The following IGF2BP3 variants were observed in gnomAD, a reference collection of about 807,000 sequenced individuals.
IGF2BP3 encodes insulin-like growth factor 2 mRNA-binding protein 3.
In IGF2BP3, 9 loss-of-function variants were observed where a neutral mutation model predicts 73.8. The ratio of observed to expected loss-of-function variants is 0.12; its 90% CI spans 0.07 to 0.21. The LOEUF (loss-of-function observed/expected upper bound fraction) is 0.21. IGF2BP3 is among the 10% of genes least tolerant of loss of function. The probability of loss-of-function intolerance (pLI) is 1.00; values close to 1 mark genes in which losing one functional copy is unlikely to be tolerated. For synonymous variants in IGF2BP3, 258 were observed against 256.7 expected (o/e 1.01, Z -0.05); for missense variants, 542 against 714.0 (o/e 0.76, Z 2.75).
intron 2 of IGF2BP3, among the ~76,000 whole-genome samples, chr7:23,449,554 C>CTTTTTTTTT (rs376571131): frequency 4.7e-5 from 5 of 106,932 alleles, no homozygotes; most frequent in South Asian, 3.3e-4. Context: ...TTTTCTTTTT[C>CTTTTTTTTT]TTTTTTTTTT....
At chr7:23,415,256 C>T (rs1212028146) in intron 3 of IGF2BP3, 5 of 239,910 alleles carry the variant, frequency 2.1e-5, no homozygotes, top group South Asian at 7.6e-5. Context: ...ACCCATCAGT[C>T]GGCATCACCG....
chr7:23,391,698 A>G (rs1786282358), intron 3 of IGF2BP3, among the ~76,000 whole-genome samples: 1 of 152,220 alleles, frequency 6.6e-6, no homozygotes, highest in Non-Finnish European at 1.5e-5. Flanking sequence ...GTTTCATCCA[A>G]AAGATTGCAA....
At chr7:23,358,550 T>C (rs2128507208) in intron 5 of IGF2BP3, among the ~76,000 whole-genome samples, 1 of 152,334 alleles carries the variant, frequency 6.6e-6, no homozygotes, top group South Asian at 2.1e-4. Context: ...CATGCATATA[T>C]GCACAAATAT....
intron 3 of IGF2BP3, among the ~76,000 whole-genome samples, chr7:23,406,209 T>C (rs1368852827): frequency 1.3e-5 from 2 of 152,330 alleles, no homozygotes; most frequent in Non-Finnish European, 2.9e-5. Flanking sequence ...GTTTGCTTCT[T>C]TTCCGTCTGT....
rs555731300 is a variant in IGF2BP3 at position 23,384,650 on chromosome 7, G to A, written c.286-22909C>T. ...TCATACTGTAATCCCAGCACTTTGG[G>A]GAGGCAGAGGCAGGCAGGTTACTTG... On this transcript the variant is annotated intron_variant, in intron 3 of 14. Transcript: ENST00000258729. Among the ~76,000 whole-genome samples, 4 of 152,230 alleles carry A rather than the reference G, an allele frequency of 2.6e-5. No individual in the cohort carries two copies. The East Asian group carries it at 7.7e-4, about 29-fold the overall frequency.
intron 3 of IGF2BP3, among the ~76,000 whole-genome samples, chr7:23,377,972 A>T (rs1052073076): frequency 6.6e-6 from 1 of 152,156 alleles, no homozygotes; most frequent in African/African-American, 2.4e-5. Flanking sequence ...GGGGCAAGTG[A>T]CTGTTAATGG....
rs555045804 is a variant in IGF2BP3, at chr7:23,321,934, A to G, written c.1204-2680T>C. Among the ~76,000 whole-genome samples, 4 of 152,348 alleles carry G rather than the reference A, an allele frequency of 2.6e-5. No individual in the cohort carries two copies. The East Asian group carries it at 5.8e-4, about 22-fold the overall frequency. On this transcript the variant is annotated intron_variant, in intron 10 of 14. Coordinates refer to ENST00000258729, the MANE Select transcript of IGF2BP3 (RefSeq NM_006547.3). Reference sequence around the variant, plus strand: ...AAAAACCCATCTGTACATCACCGTCATCAAAGACCAAAAGTAGATAAAACC... The same window carrying G: ...AAAAACCCATCTGTACATCACCGTCGTCAAAGACCAAAAGTAGATAAAACC...
intron 9 of IGF2BP3, among the ~76,000 whole-genome samples, chr7:23,343,194 C>G (rs17148036): frequency 6.6e-6 from 1 of 152,132 alleles, no homozygotes. Flanking sequence ...ATATGGCTAA[C>G]CAAGTTTTAA....
Position 23,311,741 on chromosome 7 carries a change from T to C in IGF2BP3, c.*621A>G, listed in dbSNP as rs944228993. The C allele has an allele frequency of 2.0e-5, 3 of 152,566 alleles. No homozygotes were observed. The highest frequency in any genetic ancestry group is 7.2e-5 in the African/African-American group (3 of 41,430). The allele number at this position is 152,566 out of a possible 1,614,324, so 9.5% of individuals were successfully genotyped here. On this transcript the variant is annotated 3_prime_UTR_variant, in exon 15 of 15. Coordinates refer to ENST00000258729, the MANE Select transcript of IGF2BP3 (RefSeq NM_006547.3). Reference sequence around the variant, plus strand: ...TGGACTTCTATCATTATAAAGTATATAAAATTTTCAAAAAAAAGGAACAAT... The same window carrying C: ...TGGACTTCTATCATTATAAAGTATACAAAATTTTCAAAAAAAAGGAACAAT...
In IGF2BP3 at chr7:23,361,611, A is replaced by G. The variant is rs1479471566; in HGVS notation, c.338-14T>C. On this transcript the variant is annotated splice_polypyrimidine_tract_variant and intron_variant, in intron 4 of 14. Coordinates refer to ENST00000258729, the MANE Select transcript of IGF2BP3 (RefSeq NM_006547.3). ...AGTCAGTGTTCACTAGAGGAAGAGA[A>G]AAACGAAGAGAATAAAAGTTAGTTT... 1.2e-6 allele frequency: 2 copies of G among 1,613,548 alleles called. No homozygotes were observed. Among genetic ancestry groups the G allele is most frequent in the African/African-American group, 2.7e-5 (2 of 74,936 alleles).
At chr7:23,428,604 G>A (rs2128540643) in intron 2 of IGF2BP3, among the ~76,000 whole-genome samples, 1 of 150,900 alleles carries the variant, frequency 6.6e-6, no homozygotes, top group Middle Eastern at 3.5e-3. Context: ...CTACTTGGGA[G>A]GCTGAGGTGG....
chr7:23,324,220 A>G (rs1414320940), intron 10 of IGF2BP3, among the ~76,000 whole-genome samples: 1 of 151,050 alleles, frequency 6.6e-6, no homozygotes, highest in African/African-American at 2.4e-5. Context: ...TAGACACAAT[A>G]AAAAATGATA....
intron 5 of IGF2BP3, among the ~76,000 whole-genome samples, chr7:23,357,459 C>T (rs1409207094): frequency 1.3e-5 from 2 of 152,094 alleles, no homozygotes; most frequent in African/African-American, 4.8e-5. Flanking sequence ...ATCAGGATAA[C>T]CCCAAACAAA....
intron 10 of IGF2BP3, among the ~76,000 whole-genome samples, chr7:23,337,146 T>G (rs759589831): frequency 4.6e-5 from 7 of 152,172 alleles, no homozygotes. Context: ...CTATTCCAAC[T>G]GAGTACTTGC....
chr7:23,422,431 C>T (rs575001991), intron 2 of IGF2BP3, among the ~76,000 whole-genome samples: 5 of 152,148 alleles, frequency 3.3e-5, no homozygotes, highest in East Asian at 1.9e-4. Context: ...GGCACACGCC[C>T]GTAGTCCTAG....
rs1001568568 is a variant in IGF2BP3 at position 23,338,537 on chromosome 7, A to C, written c.1203+3527T>G. 2.6e-5 allele frequency among the ~76,000 whole-genome samples: 4 copies of C among 152,178 alleles called. No homozygotes were observed. In the South Asian group the frequency reaches 8.3e-4, roughly 32 times the overall value. On this transcript the variant is annotated intron_variant, in intron 10 of 14. Coordinates refer to ENST00000258729, the MANE Select transcript of IGF2BP3 (RefSeq NM_006547.3). ...ATAAACGGGTAGCATAAAACTCCTG[A>C]TGACCTTTATGAAACTACACATTTT...
intron 2 of IGF2BP3, 81 bp downstream of exon 2, chr7:23,468,401 G>T: frequency 7.0e-7 from 1 of 1,428,204 alleles, no homozygotes; most frequent in Non-Finnish European, 9.9e-7. Context: ...AAGCACCAGA[G>T]GACAAGAAGT....
At chr7:23,342,402 T>A (rs1358193205) in intron 9 of IGF2BP3, among the ~76,000 whole-genome samples, 1 of 152,174 alleles carries the variant, frequency 6.6e-6, no homozygotes, top group African/African-American at 2.4e-5. Flanking sequence ...GTTTGCCCCC[T>A]CCTTGGTCCA....
chr7:23,341,290 C>T (rs866729859), intron 10 of IGF2BP3, among the ~76,000 whole-genome samples: 4 of 152,260 alleles, frequency 2.6e-5, no homozygotes, highest in Admixed American at 1.3e-4. Context: ...GGAAAACACA[C>T]AGAGTCACTC....
Sources: gnomAD v4.1 joint callset for allele counts (sites outside exome capture counted in the v4.1 genomes callset) on GRCh38, gnomAD v4.1.1 for gene constraint, MANE v1.5 for transcripts, NCBI Gene and HGNC (gene_info 2026-07-23, HGNC 2026-07-21) for gene names.